The following RAP1GAP2 variants were observed in gnomAD, a reference collection of about 807,000 sequenced individuals.
The protein encoded by RAP1GAP2 is rap1 GTPase-activating protein 2.
In RAP1GAP2, 27 loss-of-function variants were observed where a neutral mutation model predicts 95.0. The observed-to-expected ratio is 0.28, with a 90% CI of 0.21 to 0.39. The LOEUF (loss-of-function observed/expected upper bound fraction) is 0.39. Among genes scored for constraint, RAP1GAP2 ranks in the 10% least tolerant of loss-of-function variants. The pLI is 1.00. For synonymous variants in RAP1GAP2, 373 were observed against 380.9 expected, an observed-to-expected ratio of 0.98 and a Z score of 0.24; for missense variants, 771 against 970.0, an observed-to-expected ratio of 0.79 and a Z score of 2.72.
chr17:2,785,817 C>A, intron 1 of RAP1GAP2, among the ~76,000 whole-genome samples: 1 of 151,478 alleles, frequency 6.6e-6, no homozygotes, highest in East Asian at 1.9e-4. Context: ...TTGGACGAGT[C>A]TCTTAACCTC....
intron 3 of RAP1GAP2, among the ~76,000 whole-genome samples, chr17:2,914,095 A>G (rs968261538): frequency 2.6e-5 from 4 of 151,802 alleles, no homozygotes; most frequent in Admixed American, 1.3e-4. Context: ...ATGGTCTCGA[A>G]CTCCCAACCT....
At chr17:2,792,572 C>A (rs1312559259), upstream of RAP1GAP2, among the ~76,000 whole-genome samples, 1 of 152,210 alleles carries the variant, frequency 6.6e-6, no homozygotes, top group African/African-American at 2.4e-5. Context: ...CCCTTTCCAG[C>A]CCTCAGTCTG....
chr17:2,957,177 C>T (rs538642588), intron 3 of RAP1GAP2, among the ~76,000 whole-genome samples: 54 of 151,356 alleles, frequency 3.6e-4, no homozygotes, highest in African/African-American at 1.2e-3. Context: ...CTGGAGGCCT[C>T]GGTTCAATGG....
intron 2 of RAP1GAP2, among the ~76,000 whole-genome samples, chr17:2,801,448 CTGGGGGACAGAGTGAG>C (rs1456774553): frequency 1.4e-5 from 2 of 145,772 alleles, no homozygotes; most frequent in Non-Finnish European, 3.0e-5. Context: ...GCACTCCAGC[CTGGGGGACAGAGTGAG>C]ACTCTGTCTC....
At chr17:2,935,691 T>C (rs1330942138) in intron 3 of RAP1GAP2, among the ~76,000 whole-genome samples, 2 of 152,166 alleles carry the variant, frequency 1.3e-5, no homozygotes, top group African/African-American at 2.4e-5. Context: ...ACGTTCACAT[T>C]TGTGGCCTCA....
intron 19 of RAP1GAP2, among the ~76,000 whole-genome samples, chr17:3,022,420 C>T (rs2046991967): frequency 2.0e-5 from 3 of 152,078 alleles, no homozygotes; most frequent in Admixed American, 2.0e-4. Context: ...CGGTATATAC[C>T]CAAGAGAGTT....
intron 23 of RAP1GAP2, among the ~76,000 whole-genome samples, chr17:3,031,581 C>CCCA (rs1276077010): frequency 1.4e-5 from 2 of 147,762 alleles, no homozygotes; most frequent in East Asian, 2.3e-4. Flanking sequence ...TCCTGGGTCC[C>CCCA]GAATCCCTTC....
chr17:2,908,893 A>G (rs1023293692), intron 3 of RAP1GAP2, among the ~76,000 whole-genome samples: 8 of 151,808 alleles, frequency 5.3e-5, no homozygotes, highest in African/African-American at 1.9e-4. Flanking sequence ...TTCTGTAGAG[A>G]CAAGGTCTTG....
At position 3,027,817 on chromosome 17, in the gene RAP1GAP2, G is replaced by A. The variant is rs1383519121; in HGVS notation, c.2107+747G>A. 6.6e-6 allele frequency among the ~76,000 whole-genome samples: 1 copy of A among 151,822 alleles called. No individual in the cohort carries two copies. The highest frequency in any genetic ancestry group is 1.9e-4 in the East Asian group (1 of 5,138). ...GGGGAGAGGAGGGGAGGGGAGCTGC[G>A]GCAGAAGCACCTCGGTTCAGGAGAG... On this transcript the variant is annotated intron_variant, in intron 22 of 24. Coordinates refer to ENST00000254695, the MANE Select transcript of RAP1GAP2 (RefSeq NM_015085.5). The surrounding 1 kb of genome is among the most constrained non-coding windows in gnomAD (Gnocchi z 5.2).
rs114293225 is a variant in RAP1GAP2 at position 2,797,760 on chromosome 17, A to T, written c.44+1189A>T. The T allele has an allele frequency of 2.1e-3, 2,117 of 985,290 alleles. 40 individuals are homozygous for T. In the African/African-American group the frequency reaches 0.034, roughly 16 times the overall value. 61.0% of individuals were successfully genotyped at this position (985,290 alleles called of 1,614,324 possible). ...CTCTCGGGCCCTCCCTGACGCCTGG[A>T]TCTGGGAGCTGCCACCCCGAGGGTA... On this transcript the variant is annotated intron_variant, in intron 1 of 24. Transcript: ENST00000254695. This position sits in a 1 kb window ranked among gnomAD's most constrained non-coding sequence, Gnocchi z 5.6.
At chr17:2,806,523 G>T (rs1309060684) in intron 2 of RAP1GAP2, among the ~76,000 whole-genome samples, 2 of 149,772 alleles carry the variant, frequency 1.3e-5, no homozygotes, top group Non-Finnish European at 3.0e-5. Flanking sequence ...CTCCCGAGTA[G>T]CTGGGATTAC....
At chr17:2,757,817 T>C (rs2071173126) in intron 1 of RAP1GAP2, among the ~76,000 whole-genome samples, 1 of 151,962 alleles carries the variant, frequency 6.6e-6, no homozygotes, top group Admixed American at 6.6e-5. Flanking sequence ...TCCCAACTCT[T>C]GCCCCTGGCA....
At chr17:2,990,256 G>A (rs1405688455) in intron 11 of RAP1GAP2, among the ~76,000 whole-genome samples, 1 of 152,230 alleles carries the variant, frequency 6.6e-6, no homozygotes, top group Admixed American at 6.5e-5. Flanking sequence ...ATACCTGAGA[G>A]TGAAGTTGCT....
chr17:3,036,632 G>C lies in RAP1GAP2; in HGVS notation c.*3271G>C, dbSNP rs192773855. The stretch of plus-strand genomic sequence containing the variant: ...ATTCCTCAGTGGGATCGGTTCTTCA[G>C]CTCCTGATGGGGGCTGTGTAATGGG... On this transcript the variant is annotated 3_prime_UTR_variant, in exon 25 of 25. Coordinates refer to ENST00000254695, the MANE Select transcript of RAP1GAP2 (RefSeq NM_015085.5). 17 of 152,380 alleles carry C rather than the reference G, an allele frequency of 1.1e-4. No homozygotes were observed. The highest frequency in any genetic ancestry group is 6.8e-3 in the Middle Eastern group (2 of 294). The allele number at this position is 152,380 out of a possible 1,614,324, so 9.4% of individuals were successfully genotyped here. A position where few individuals can be genotyped will look rare whatever the true frequency, so the allele number is the denominator to read the frequency against.
At chr17:2,760,740 C>T (rs561285148) in intron 1 of RAP1GAP2, among the ~76,000 whole-genome samples, 1 of 151,620 alleles carries the variant, frequency 6.6e-6, no homozygotes, top group African/African-American at 2.4e-5. Flanking sequence ...ACGTTTAGTT[C>T]CTGTGCTTCG....
chr17:2,892,823 C>T (rs574570234), intron 2 of RAP1GAP2, among the ~76,000 whole-genome samples: 1 of 152,284 alleles, frequency 6.6e-6, no homozygotes, highest in East Asian at 1.9e-4. Flanking sequence ...GAGGGGAGCA[C>T]ACAAAGCCAT....
Position 2,904,275 on chromosome 17 carries a change from C to T in RAP1GAP2, c.81-1009C>T, listed in dbSNP as rs1241296452. ...CTGGCCCTGTTGTGCAGCCGTGGCT[C>T]TGAAGGCTGATCCCATGCCAAACCG... On this transcript the variant is annotated intron_variant, in intron 2 of 24. Transcript: ENST00000254695. This position sits in a 1 kb window ranked among gnomAD's most constrained non-coding sequence, Gnocchi z 4.7. Among the ~76,000 whole-genome samples the T allele has an allele frequency of 6.6e-6, 1 of 152,164 alleles. No individual in the cohort carries two copies. The highest frequency in any genetic ancestry group is 1.5e-5 in the Non-Finnish European group (1 of 68,044).
intron 2 of RAP1GAP2, among the ~76,000 whole-genome samples, chr17:2,838,331 T>C (rs1322742648): frequency 2.0e-5 from 3 of 152,032 alleles, no homozygotes; most frequent in Non-Finnish European, 4.4e-5. Context: ...TGTTCCTTCT[T>C]GATGGGGCTG....
At position 2,857,015 on chromosome 17, in the gene RAP1GAP2, G is replaced by A. The variant is rs1411869657; in HGVS notation, c.81-48269G>A. Among the ~76,000 whole-genome samples the A allele has an allele frequency of 1.3e-5, 2 of 152,158 alleles. No individual in the cohort carries two copies. The highest frequency in any genetic ancestry group is 2.4e-5 in the African/African-American group (1 of 41,434). On this transcript the variant is annotated intron_variant, in intron 2 of 24. Coordinates refer to ENST00000254695, the MANE Select transcript of RAP1GAP2 (RefSeq NM_015085.5). The surrounding 1 kb of genome is among the most constrained non-coding windows in gnomAD (Gnocchi z 4.0). ...TTGCTCTGCAGGTGCTGGTGGCCAC[G>A]GGAGGCCTGGAGCAGGCTGCAGCTG... is the stretch of plus-strand genomic sequence containing the variant.
Sources: allele counts gnomAD v4.1 joint callset (sites outside exome capture counted in the v4.1 genomes callset), GRCh38; gene constraint gnomAD v4.1.1; non-coding constraint Gnocchi (gnomAD v3.1); transcripts MANE v1.5; gene names NCBI Gene and HGNC (gene_info 2026-07-23, HGNC 2026-07-21).